DPY19L2: variants seen among roughly 807,000 people sequenced by gnomAD.
The protein encoded by DPY19L2 is probable C-mannosyltransferase DPY19L2.
A neutral mutation model predicts 97.9 loss-of-function variants in DPY19L2; 34 were observed. The observed-to-expected ratio is 0.35, with a 90% CI of 0.26 to 0.46. DPY19L2 has a LOEUF of 0.46. DPY19L2 is among the 20% of genes least tolerant of loss of function. The pLI is 1.00. For synonymous variants in DPY19L2, 230 were observed against 307.9 expected (o/e 0.75, Z 2.65); for missense variants, 623 against 911.4 (o/e 0.68, Z 4.07).
At chr12:63,637,880 C>T (rs1361083622) in intron 6 of DPY19L2, among the ~76,000 whole-genome samples, 1 of 152,120 alleles carries the variant, frequency 6.6e-6, no homozygotes, top group Non-Finnish European at 1.5e-5. Context: ...CATCCTGATA[C>T]CAAGGCCTGG....
intron 12 of DPY19L2, among the ~76,000 whole-genome samples, chr12:63,607,358 A>G (rs543705195): frequency 2.8e-4 from 42 of 152,156 alleles, no homozygotes; most frequent in Non-Finnish European, 5.6e-4. Context: ...TACAAGTGTA[A>G]TGTCGATATG....
At position 63,619,923 on chromosome 12, in the gene DPY19L2, A is replaced by G. The variant is rs1290647155; in HGVS notation, c.1053+1315T>C. On this transcript the variant is annotated intron_variant, in intron 9 of 21. Transcript: ENST00000324472. ...CATGTGCAAATAATGAAAACCATAG[A>G]ATAATGTCTGTGTTATAACCTGAAA... 3 of 454,612 alleles carry G rather than the reference A, an allele frequency of 6.6e-6. No individual in the cohort carries two copies. In the Admixed American group the frequency reaches 7.1e-5, roughly 11 times the overall value. 28.2% of individuals were successfully genotyped at this position (454,612 alleles called of 1,614,324 possible). A position where few individuals can be genotyped will look rare whatever the true frequency, so the allele number is the denominator to read the frequency against.
intron 21 of DPY19L2, among the ~76,000 whole-genome samples, chr12:63,567,020 T>C (rs986621022): frequency 9.9e-5 from 15 of 152,108 alleles, no homozygotes; most frequent in African/African-American, 3.6e-4. Flanking sequence ...AAATCCTCTG[T>C]TCTGGCTTTC....
chr12:63,562,680 T>A (rs1876815103), intron 21 of DPY19L2, among the ~76,000 whole-genome samples: 2 of 152,158 alleles, frequency 1.3e-5, no homozygotes, highest in Admixed American at 1.3e-4. Flanking sequence ...TTTTTTCAAT[T>A]ATAGCTATTT....
chr12:63,597,222 G>A (rs1194162394), intron 14 of DPY19L2, among the ~76,000 whole-genome samples: 102 of 151,858 alleles, frequency 6.7e-4, no homozygotes, highest in African/African-American at 2.3e-3. Flanking sequence ...TGATCTACCC[G>A]CCTCAGCATC....
rs182813944 is a variant in DPY19L2, at chr12:63,663,885, T to C, written c.363-40A>G. 29 of 1,359,012 alleles carry C rather than the reference T, an allele frequency of 2.1e-5. No homozygotes were observed. The East Asian group carries it at 6.9e-4, about 32-fold the overall frequency. 84.2% of individuals were successfully genotyped at this position (1,359,012 alleles called of 1,614,324 possible). The stretch of plus-strand genomic sequence containing the variant: ...AGTATCATATTACAATAAGAACGAG[T>C]TTCAAAACTAACAGTAAAATAAGCA... On this transcript the variant is annotated intron_variant, in intron 2 of 21. Coordinates refer to ENST00000324472, the MANE Select transcript of DPY19L2 (RefSeq NM_173812.5).
intron 15 of DPY19L2, among the ~76,000 whole-genome samples, chr12:63,594,581 ATG>A (rs146124553): frequency 0.11 from 15,402 of 143,184 alleles, 978 homozygotes; most frequent in East Asian, 0.26. Flanking sequence ...GGATGTTTGT[ATG>A]TGTGTGTGTG....
At chr12:63,561,181 C>T (rs1876426068) in intron 21 of DPY19L2, among the ~76,000 whole-genome samples, 1 of 152,142 alleles carries the variant, frequency 6.6e-6, no homozygotes, top group African/African-American at 2.4e-5. Context: ...CTAAATGAGA[C>T]ACTATTCCTC....
chr12:63,605,300 T>C (rs1161810948), intron 12 of DPY19L2, among the ~76,000 whole-genome samples: 1 of 152,106 alleles, frequency 6.6e-6, no homozygotes, highest in Non-Finnish European at 1.5e-5. Flanking sequence ...CTGCTGCTGC[T>C]ACCTGCATGG....
Position 63,661,479 on chromosome 12 carries a change from T to C in DPY19L2, c.453A>G (p.Gly151=). Residue 151 remains glycine, a splice_region_variant and synonymous_variant, in exon 4 of 22, where the codon GGA becomes GGG. Coordinates refer to ENST00000324472, the MANE Select transcript of DPY19L2 (RefSeq NM_173812.5). ...TGGTCTTGAAGTATGAATAATAAAG[T>C]CCCTTTTTTTAAAAAAAGACATATA... is the stretch of plus-strand genomic sequence containing the variant. The part of the protein sequence containing the change: ...EREMTFRTEM[G]LYYSYFKTII... The C allele has an allele frequency of 6.4e-7, 1 of 1,555,396 alleles. No individual in the cohort carries two copies. Among genetic ancestry groups the C allele is most frequent in the Non-Finnish European group, 8.6e-7 (1 of 1,159,320 alleles).
intron 4 of DPY19L2, among the ~76,000 whole-genome samples, chr12:63,656,395 C>T (rs1565850361): frequency 6.6e-6 from 1 of 152,176 alleles, no homozygotes; most frequent in Non-Finnish European, 1.5e-5. Flanking sequence ...CAGAAAACTT[C>T]TCCTATAAAG....
chr12:63,657,833 T>C (rs1895171125), intron 4 of DPY19L2, among the ~76,000 whole-genome samples: 2 of 152,174 alleles, frequency 1.3e-5, no homozygotes, highest in Non-Finnish European at 2.9e-5. Flanking sequence ...ACTAAGCCTG[T>C]AGCAGTTCAT....
In DPY19L2 at chr12:63,634,826, G is replaced by C. The variant is rs939342399; in HGVS notation, c.804-8300C>G. ...AGCCCACCGCAGCTCAAGGAGGCCT[G>C]CCTGCCTCTGTAGACTCCACCTCTG... On this transcript the variant is annotated intron_variant, in intron 6 of 21. Coordinates refer to ENST00000324472, the MANE Select transcript of DPY19L2 (RefSeq NM_173812.5). Among the ~76,000 whole-genome samples the C allele has an allele frequency of 2.7e-4, 41 of 152,042 alleles. 1 individual carries two copies. The highest frequency in any genetic ancestry group is 2.1e-4 in the South Asian group (1 of 4,814).
chr12:63,655,247 C>G (rs1055650079), intron 4 of DPY19L2, among the ~76,000 whole-genome samples: 10 of 151,954 alleles, frequency 6.6e-5, no homozygotes, highest in Admixed American at 1.3e-4. Context: ...TAGGGAAATG[C>G]AAATTAAAGC....
intron 10 of DPY19L2, 148 bp from the exon 11 acceptor site, chr12:63,617,538 T>C (rs1383532806): frequency 1.8e-6 from 1 of 557,666 alleles, no homozygotes; most frequent in Non-Finnish European, 3.2e-6. Context: ...TTCAAGTCAC[T>C]GCTAGATTCT....
At position 63,576,906 on chromosome 12, in the gene DPY19L2, T is replaced by C. The variant is rs550268141; in HGVS notation, c.1900+3756A>G. ...AATGCAATCCCCATCAAACTACTAA[T>C]GATATTCCTCACAGAGATAGAAAAA... On this transcript the variant is annotated intron_variant, in intron 19 of 21. Coordinates refer to ENST00000324472, the MANE Select transcript of DPY19L2 (RefSeq NM_173812.5). Among the ~76,000 whole-genome samples, 5 of 152,118 alleles carry C rather than the reference T, an allele frequency of 3.3e-5. No homozygotes were observed. The South Asian group carries it at 8.3e-4, about 25-fold the overall frequency.
chr12:63,668,324 C>G lies in DPY19L2; in HGVS notation c.70G>C (p.Gly24Arg), dbSNP rs1231296919. 1.2e-6 allele frequency: 2 copies of G among 1,613,808 alleles called. No individual in the cohort carries two copies. The highest frequency in any genetic ancestry group is 1.7e-5 in the Admixed American group (1 of 60,004). The change falls in exon 1 of 22, where the codon GGG (glycine) becomes CGG (arginine). Residue 24 changes from glycine (G) to arginine (R), a missense_variant. Physicochemically the swap from Gly to Arg is moderately radical, Grantham distance 125 (BLOSUM62 -2). Transcript: ENST00000324472. ...SGRSQSKGRR[G>R]ASLAREPEVE... ...TCCGGCTCCCGGGCGAGGGAGGCCC[C>G]GCGCCGCCCCTTAGACTGGCTGCGG...
intron 21 of DPY19L2, among the ~76,000 whole-genome samples, chr12:63,567,988 A>T (rs1332255092): frequency 6.6e-6 from 1 of 151,794 alleles, no homozygotes; most frequent in African/African-American, 2.4e-5. Flanking sequence ...ACTCAGTTGG[A>T]TTTGTTGAGC....
intron 4 of DPY19L2, among the ~76,000 whole-genome samples, chr12:63,659,171 A>T (rs1895353659): frequency 6.6e-6 from 1 of 152,222 alleles, no homozygotes; most frequent in Non-Finnish European, 1.5e-5. Flanking sequence ...ATTCTACAAA[A>T]AAGCTACTAG....
Sources: allele counts gnomAD v4.1 joint callset (sites outside exome capture counted in the v4.1 genomes callset), GRCh38; gene constraint gnomAD v4.1.1; transcripts MANE v1.5; gene names NCBI Gene and HGNC (gene_info 2026-07-23, HGNC 2026-07-21).